PCDHA8: variants seen among roughly 807,000 people sequenced by gnomAD.
PCDHA8 encodes protocadherin alpha-8.
A neutral mutation model predicts 61.8 loss-of-function variants in PCDHA8; 53 were observed. That is an observed-to-expected ratio of 0.86 (90% CI 0.69 to 1.08). The LOEUF is 1.08. PCDHA8 is among the 50% of genes least tolerant of loss of function. The pLI, the probability that PCDHA8 is intolerant of heterozygous loss-of-function variation, is 0.00. For missense variants in PCDHA8, 1,293 were observed against 1,245.0 expected, an observed-to-expected ratio of 1.04 and a Z score of -0.58; for synonymous variants, 618 against 556.6, an observed-to-expected ratio of 1.11 and a Z score of -1.55.
intron 1 of PCDHA8, among the ~76,000 whole-genome samples, chr5:140,957,103 A>G (rs1207553042): frequency 6.6e-6 from 1 of 152,168 alleles, no homozygotes; most frequent in Non-Finnish European, 1.5e-5. Flanking sequence ...ATTGCTATGG[A>G]CATGATTCTG....
chr5:140,855,021 T>C (rs910000039), intron 1 of PCDHA8, among the ~76,000 whole-genome samples: 2 of 149,920 alleles, frequency 1.3e-5, no homozygotes, highest in African/African-American at 4.9e-5. Context: ...ATGAAACTTC[T>C]TGTATAAAGG....
chr5:140,936,303 T>C (rs1223461427), intron 1 of PCDHA8, among the ~76,000 whole-genome samples: 3 of 152,236 alleles, frequency 2.0e-5, no homozygotes, highest in South Asian at 2.1e-4. Flanking sequence ...TGCTATCCAA[T>C]AGAACTTTCT....
intron 1 of PCDHA8, among the ~76,000 whole-genome samples, chr5:140,972,866 G>A (rs1010114234): frequency 6.6e-6 from 1 of 152,046 alleles, no homozygotes; most frequent in Non-Finnish European, 1.5e-5. Context: ...GTTTCATCAT[G>A]TTGTCCAGGA....
intron 3 of PCDHA8, among the ~76,000 whole-genome samples, chr5:140,993,099 C>T (rs1253807421): frequency 6.6e-6 from 1 of 152,206 alleles, no homozygotes; most frequent in Non-Finnish European, 1.5e-5. Context: ...TATGTTTATT[C>T]AGCGGTCAGT....
chr5:140,956,259 A>G (rs534711265), intron 1 of PCDHA8, among the ~76,000 whole-genome samples: 1 of 152,252 alleles, frequency 6.6e-6, no homozygotes, highest in African/African-American at 2.4e-5. Flanking sequence ...GGTTTTGCCC[A>G]TTCAGTGTGG....
intron 1 of PCDHA8, chr5:140,966,215 A>G (rs1554228144): frequency 4.1e-6 from 1 of 244,868 alleles, no homozygotes; most frequent in Non-Finnish European, 7.7e-6. Flanking sequence ...CTTTTCCCAG[A>G]CTAATCTCCT....
At chr5:140,997,504 C>T (rs2097772452) in intron 3 of PCDHA8, among the ~76,000 whole-genome samples, 1 of 152,042 alleles carries the variant, frequency 6.6e-6, no homozygotes, top group South Asian at 2.1e-4. Flanking sequence ...TCTCAACATA[C>T]CTAAACGCAG....
chr5:140,977,872 T>A (rs1554238851), intron 1 of PCDHA8, among the ~76,000 whole-genome samples: 1 of 152,258 alleles, frequency 6.6e-6, no homozygotes, highest in African/African-American at 2.4e-5. Flanking sequence ...ATGGTAAGTA[T>A]AATGTAGAGG....
Position 140,886,556 on chromosome 5 carries a change from G to A in PCDHA8, c.2394+42841G>A, listed in dbSNP as rs368447778. On this transcript the variant is annotated intron_variant, in intron 1 of 3. Coordinates refer to ENST00000531613, the MANE Select transcript of PCDHA8 (RefSeq NM_018911.3). ...TAGAAAGGTCTTCCCAGCTGGGCACGGTGGCTCACGCCTGTAATCCCAGCA... is the reference window on the plus strand; with the variant it reads ...TAGAAAGGTCTTCCCAGCTGGGCACAGTGGCTCACGCCTGTAATCCCAGCA... Among the ~76,000 whole-genome samples, 30 of 151,832 alleles carry A rather than the reference G, an allele frequency of 2.0e-4. No individual in the cohort carries two copies. The East Asian group carries it at 5.5e-3, about 28-fold the overall frequency.
At chr5:140,994,474 G>A (rs545568699) in intron 3 of PCDHA8, among the ~76,000 whole-genome samples, 27 of 152,078 alleles carry the variant, frequency 1.8e-4, no homozygotes, top group Non-Finnish European at 2.9e-4. Flanking sequence ...AGGCTGAGGC[G>A]GGTGGATTGC....
intron 1 of PCDHA8, among the ~76,000 whole-genome samples, chr5:140,930,790 A>G (rs155822): frequency 0.047 from 7,177 of 152,302 alleles, 299 homozygotes; most frequent in African/African-American, 0.11. Context: ...ACAATATAAT[A>G]GAATCCAGCA....
chr5:140,900,062 A>C (rs1221394657), intron 1 of PCDHA8, among the ~76,000 whole-genome samples: 1 of 152,138 alleles, frequency 6.6e-6, no homozygotes, highest in Non-Finnish European at 1.5e-5. Flanking sequence ...CTTTAACCTC[A>C]GCCTCCAAAA....
At position 140,877,451 on chromosome 5, in the gene PCDHA8, C is replaced by T. The variant is rs782361627; in HGVS notation, c.2394+33736C>T. ...AAGGACCACGGTGAGCCCGCGCTGA[C>T]GTCCACGGCCACGGTGCTGGTGTCG... On this transcript the variant is annotated intron_variant, in intron 1 of 3. Coordinates refer to ENST00000531613, the MANE Select transcript of PCDHA8 (RefSeq NM_018911.3). The T allele has an allele frequency of 3.5e-5, 57 of 1,613,672 alleles. No individual in the cohort carries two copies. The East Asian group carries it at 1.2e-3, about 35-fold the overall frequency.
In PCDHA8 at chr5:140,842,957, G is replaced by A; in HGVS notation, c.1636G>A (p.Gly546Ser). ...GCGCGACGCGGGCGTGCCGCCTCTG[G>A]GCAGCAACGTGACGCTGCAGGTGTT... ...SARDAGVPPLGSNVTLQVFVL... is the reference protein window; with the variant it reads ...SARDAGVPPLSSNVTLQVFVL... The change falls in exon 1 of 4, where the codon GGC becomes AGC. Residue 546 changes from glycine to serine, a missense_variant. Transcript: ENST00000531613. 1 of 1,594,936 alleles carries A rather than the reference G, an allele frequency of 6.3e-7. No individual in the cohort carries two copies. Among genetic ancestry groups the A allele is most frequent in the Middle Eastern group, 1.8e-4 (1 of 5,658 alleles).
rs2150362585 is a variant in PCDHA8 at position 140,843,552 on chromosome 5, C to A, written c.2231C>A (p.Ala744Glu). 3 of 1,595,800 alleles carry A rather than the reference C, an allele frequency of 1.9e-6. 1 individual carries two copies. The highest frequency in any genetic ancestry group is 4.5e-5 in the East Asian group (2 of 44,828). Residue 744 changes from alanine to glutamate, a missense_variant, in exon 1 of 4, where the codon GCG becomes GAG. Ala to Glu is a moderately radical substitution (Grantham distance 107). Coordinates refer to ENST00000531613, the MANE Select transcript of PCDHA8 (RefSeq NM_018911.3). ...AGKPTLVCSS[A>E]VGSWSYSQQQ... ...AAGCCCACTCTGGTGTGCTCCAGTGCGGTGGGGAGCTGGTCATACTCGCAA... is the reference window on the plus strand; with the variant it reads ...AAGCCCACTCTGGTGTGCTCCAGTGAGGTGGGGAGCTGGTCATACTCGCAA...
intron 1 of PCDHA8, chr5:140,966,642 G>A (rs897727830): frequency 8.9e-7 from 1 of 1,117,790 alleles, no homozygotes; most frequent in East Asian, 3.1e-5. Flanking sequence ...GCGCTTTCTA[G>A]AGCGTGAGCG....
At chr5:140,847,063 C>T (rs1366357065) in intron 1 of PCDHA8, among the ~76,000 whole-genome samples, 2 of 149,510 alleles carry the variant, frequency 1.3e-5, no homozygotes, top group Non-Finnish European at 3.0e-5. Flanking sequence ...CAGAAAGCAT[C>T]AATATGACAA....
chr5:140,887,326 G>A (rs1344500973), intron 1 of PCDHA8, among the ~76,000 whole-genome samples: 7 of 152,230 alleles, frequency 4.6e-5, no homozygotes, highest in South Asian at 2.1e-4. Context: ...TCGAACTCCT[G>A]ACCTCGTGAT....
intron 1 of PCDHA8, chr5:140,966,540 C>G (rs1477712677): frequency 4.3e-6 from 2 of 462,788 alleles, no homozygotes; most frequent in African/African-American, 2.0e-5. Flanking sequence ...TTGAGCGACT[C>G]GGAGGCGAGC....
Sources: gnomAD v4.1 joint callset for allele counts (sites outside exome capture counted in the v4.1 genomes callset) on GRCh38, gnomAD v4.1.1 for gene constraint, MANE v1.5 for transcripts, NCBI Gene and HGNC (gene_info 2026-07-23, HGNC 2026-07-21) for gene names.